Variants in BRAF observed in about 807,000 individuals in gnomAD.
BRAF encodes B-Raf proto-oncogene, serine/threonine kinase, also known as serine/threonine-protein kinase B-raf.
BRAF carries 16 observed loss-of-function variants against 104.6 expected under a neutral mutation model. That is an observed-to-expected ratio of 0.15 (90% CI 0.10 to 0.23). The LOEUF is 0.23. BRAF is among the 10% of genes least tolerant of loss of function. The pLI is 1.00. For missense variants in BRAF, 541 were observed against 937.3 expected, an observed-to-expected ratio of 0.58 and a Z score of 5.52; for synonymous variants, 310 against 341.6, an observed-to-expected ratio of 0.91 and a Z score of 1.02.
At chr7:140,915,725 C>T (rs1051861280) in intron 1 of BRAF, among the ~76,000 whole-genome samples, 133 of 152,066 alleles carry the variant, frequency 8.7e-4, no homozygotes, top group Middle Eastern at 3.4e-3. Context: ...CATGAGCCAC[C>T]GTGACCAGCC....
intron 14 of BRAF, among the ~76,000 whole-genome samples, chr7:140,759,188 T>G (rs1798457781): frequency 6.6e-6 from 1 of 152,220 alleles, no homozygotes; most frequent in South Asian, 2.1e-4. Flanking sequence ...ATACAAGTCT[T>G]TGTTGTTGAC....
At chr7:140,842,029 C>T (rs1040046279) in intron 2 of BRAF, among the ~76,000 whole-genome samples, 5 of 152,152 alleles carry the variant, frequency 3.3e-5, no homozygotes, top group East Asian at 3.9e-4. Flanking sequence ...ACAAACTGCC[C>T]ATAAATGATA....
chr7:140,814,651 T>C (rs891310801), intron 3 of BRAF, among the ~76,000 whole-genome samples: 1 of 149,846 alleles, frequency 6.7e-6, no homozygotes, highest in African/African-American at 2.5e-5. Context: ...GGTGACAGAG[T>C]GAGACTCCAT....
At chr7:140,752,554 C>T (rs1797874448) in intron 16 of BRAF, among the ~76,000 whole-genome samples, 1 of 152,208 alleles carries the variant, frequency 6.6e-6, no homozygotes, top group African/African-American at 2.4e-5. Flanking sequence ...CAGCTTGCTG[C>T]AATGCACACA....
At chr7:140,865,728 A>G (rs927503250) in intron 1 of BRAF, among the ~76,000 whole-genome samples, 3 of 152,192 alleles carry the variant, frequency 2.0e-5, no homozygotes, top group African/African-American at 7.2e-5. Flanking sequence ...AAGGCTGATG[A>G]TTTAGGAGTT....
intron 1 of BRAF, among the ~76,000 whole-genome samples, chr7:140,861,311 G>A (rs943426022): frequency 3.3e-5 from 5 of 152,180 alleles, no homozygotes; most frequent in South Asian, 2.1e-4. Flanking sequence ...GATTGGCTGA[G>A]GCAGGTCACA....
In BRAF at chr7:140,792,072, A is replaced by G. The variant is rs531480856; in HGVS notation, c.1140+2236T>C. The stretch of plus-strand genomic sequence containing the variant: ...GCACTTAGCATAGTACCTGTATGTA[A>G]TAAGTATTCATAAATAGTAGTCATT... On this transcript the variant is annotated intron_variant, in intron 8 of 19. Transcript: ENST00000644969. Among the ~76,000 whole-genome samples the G allele has an allele frequency of 5.5e-4, 84 of 152,322 alleles. No individual in the cohort carries two copies. Among genetic ancestry groups the G allele is most frequent in the Non-Finnish European group, 1.0e-3 (69 of 68,012 alleles).
chr7:140,754,375 GAATATTAA>G, intron 14 of BRAF, 142 bp from the exon 14 acceptor site: 1 of 733,344 alleles, frequency 1.4e-6, no homozygotes, highest in Non-Finnish European at 2.4e-6. Flanking sequence ...ACCCTTCACA[GAATATTAA>G]AATAGACTGT....
At position 140,725,418 on chromosome 7, in the gene BRAF, G is replaced by A; in HGVS notation, c.*1076C>T. On this transcript the variant is annotated 3_prime_UTR_variant, in exon 20 of 20. Coordinates refer to ENST00000644969, the MANE Select transcript of BRAF (RefSeq NM_001374258.1). ...TTTTCAGGATATATAATTCTGGTGG[G>A]AAGTATTGTTTTTTTCCAATTCAAT... 1.1e-6 allele frequency: 1 copy of A among 950,930 alleles called. No homozygotes were observed. Among genetic ancestry groups the A allele is most frequent in the Non-Finnish European group, 1.3e-6 (1 of 781,834 alleles). 58.9% of individuals were successfully genotyped at this position (950,930 alleles called of 1,614,324 possible). A position where few individuals can be genotyped will look rare whatever the true frequency, so the allele number is the denominator to read the frequency against.
At chr7:140,788,917 T>C (rs1801660841) in intron 8 of BRAF, among the ~76,000 whole-genome samples, 2 of 151,748 alleles carry the variant, frequency 1.3e-5, no homozygotes, top group East Asian at 2.0e-4. Flanking sequence ...TATTAAAATA[T>C]AGCTCTTTAT....
intron 14 of BRAF, among the ~76,000 whole-genome samples, chr7:140,769,033 C>G (rs1347620891): frequency 6.6e-6 from 1 of 152,112 alleles, no homozygotes; most frequent in Non-Finnish European, 1.5e-5. Flanking sequence ...AATTACCCAG[C>G]CTCAGGTATT....
chr7:140,742,286 G>A (rs1337586108), intron 17 of BRAF, among the ~76,000 whole-genome samples: 1 of 151,930 alleles, frequency 6.6e-6, no homozygotes, highest in Non-Finnish European at 1.5e-5. Flanking sequence ...CCCCTTCCTG[G>A]GTTCAAGAGA....
chr7:140,795,744 C>G (rs537630339), intron 7 of BRAF, among the ~76,000 whole-genome samples: 1 of 151,994 alleles, frequency 6.6e-6, no homozygotes, highest in South Asian at 2.1e-4. Flanking sequence ...AATGAATCCA[C>G]TTAGAATTGA....
intron 14 of BRAF, among the ~76,000 whole-genome samples, chr7:140,755,077 G>A (rs1344360387): frequency 6.6e-6 from 1 of 152,080 alleles, no homozygotes; most frequent in African/African-American, 2.4e-5. Flanking sequence ...GTAGTGGCAC[G>A]ACCTTGGCTC....
chr7:140,789,000 G>T (rs899267896), intron 8 of BRAF, among the ~76,000 whole-genome samples: 2 of 151,760 alleles, frequency 1.3e-5, no homozygotes, highest in African/African-American at 4.8e-5. Context: ...CACGAGGTTA[G>T]GAGTTTGAGA....
At chr7:140,827,997 A>G (rs1260145357) in intron 3 of BRAF, among the ~76,000 whole-genome samples, 1 of 152,070 alleles carries the variant, frequency 6.6e-6, no homozygotes, top group Non-Finnish European at 1.5e-5. Flanking sequence ...CCCAGGTTCA[A>G]GCGATTCTCC....
At chr7:140,814,800 T>A (rs912778211) in intron 3 of BRAF, among the ~76,000 whole-genome samples, 3 of 143,362 alleles carry the variant, frequency 2.1e-5, no homozygotes, top group African/African-American at 7.8e-5. Context: ...AACATATATA[T>A]ATTATATATA....
intron 14 of BRAF, among the ~76,000 whole-genome samples, chr7:140,772,460 A>G (rs1001212083): frequency 1.1e-4 from 17 of 152,084 alleles, no homozygotes; most frequent in Non-Finnish European, 2.5e-4. Flanking sequence ...TGTCTCTACA[A>G]AAAATACAAA....
chr7:140,864,006 T>C (rs1305864321), intron 1 of BRAF, among the ~76,000 whole-genome samples: 2 of 152,218 alleles, frequency 1.3e-5, no homozygotes, highest in Non-Finnish European at 2.9e-5. Flanking sequence ...AGTATATTGC[T>C]CAAGGCCACT....
Sources: gnomAD v4.1 joint callset for allele counts (sites outside exome capture counted in the v4.1 genomes callset) on GRCh38, gnomAD v4.1.1 for gene constraint, MANE v1.5 for transcripts, NCBI Gene and HGNC (gene_info 2026-07-23, HGNC 2026-07-21) for gene names.